Variants in TENM2 observed in about 807,000 individuals in gnomAD.
TENM2 encodes teneurin-2.
Under a neutral mutation model 245.2 loss-of-function variants are expected in TENM2, and 52 were observed. That is an observed-to-expected ratio of 0.21 (90% CI 0.17 to 0.27). The LOEUF is 0.27. TENM2 is among the 10% of genes least tolerant of loss of function. The pLI, the probability that TENM2 is intolerant of heterozygous loss-of-function variation, is 1.00. For missense variants in TENM2, 3,046 were observed against 3,666.8 expected (o/e 0.83, Z 4.37); for synonymous variants, 1,363 against 1,438.9 (o/e 0.95, Z 1.19).
chr5:167,350,761 T>TATATATATATGGGATATATACATAC (rs1561883673), intron 1 of TENM2, among the ~76,000 whole-genome samples: 3 of 71,166 alleles, frequency 4.2e-5, no homozygotes, highest in South Asian at 4.9e-4. Context: ...TATATACATA[T>TATATATATATGGGATATATACATAC]GGATATATAT....
rs750111579 is a variant in TENM2, at chr5:168,026,804, A to G, written c.1187-20623A>G. On this transcript the variant is annotated intron_variant, in intron 5 of 28. Coordinates refer to ENST00000518659, the Ensembl canonical transcript of TENM2. The stretch of plus-strand genomic sequence containing the variant: ...GCTTGGCCAAAGGTAAGCACTAAAT[A>G]AAATAGATTTTTACTGTGACAGGTT... 2.0e-5 allele frequency among the ~76,000 whole-genome samples: 3 copies of G among 152,166 alleles called. No homozygotes were observed. The South Asian group carries it at 6.2e-4, about 32-fold the overall frequency.
chr5:168,159,174 T>C (rs1036967652), intron 12 of TENM2, among the ~76,000 whole-genome samples: 8 of 151,868 alleles, frequency 5.3e-5, no homozygotes, highest in Non-Finnish European at 1.2e-4. Context: ...AAAAAGTGTC[T>C]TCAGACAATG....
chr5:168,102,225 C>A (rs1323039769), intron 9 of TENM2, among the ~76,000 whole-genome samples: 3 of 152,106 alleles, frequency 2.0e-5, no homozygotes, highest in African/African-American at 7.2e-5. Flanking sequence ...AGGCATGTGC[C>A]ACCATGAATG....
chr5:168,209,882 A>C (rs2152549743), intron 19 of TENM2, among the ~76,000 whole-genome samples: 1 of 152,272 alleles, frequency 6.6e-6, no homozygotes, highest in Non-Finnish European at 1.5e-5. Context: ...ACAAACATAA[A>C]TCACCAGACA....
chr5:168,263,364 T>C (rs929522150), downstream of TENM2: 2 of 152,976 alleles, frequency 1.3e-5, no homozygotes, highest in South Asian at 2.1e-4. Context: ...CAAATACTTC[T>C]GACATTTTCG....
At chr5:167,495,906 C>T (rs896051497) in intron 2 of TENM2, among the ~76,000 whole-genome samples, 3 of 152,050 alleles carry the variant, frequency 2.0e-5, no homozygotes, top group African/African-American at 4.8e-5. Context: ...AACTGATTCT[C>T]ATGACTTTGA....
At chr5:168,128,040 C>A (rs1422307526) in intron 12 of TENM2, among the ~76,000 whole-genome samples, 2 of 152,208 alleles carry the variant, frequency 1.3e-5, no homozygotes, top group African/African-American at 4.8e-5. Context: ...ATTTCCCATG[C>A]TGTTCATTTG....
chr5:167,742,494 A>G (rs557390848), intron 2 of TENM2, among the ~76,000 whole-genome samples: 71 of 152,168 alleles, frequency 4.7e-4, no homozygotes, highest in African/African-American at 1.7e-3. Context: ...GTATATGTCC[A>G]TGTGGTTAGT....
intron 3 of TENM2, among the ~76,000 whole-genome samples, chr5:167,940,159 A>C: frequency 6.6e-6 from 1 of 152,168 alleles, no homozygotes; most frequent in Non-Finnish European, 1.5e-5. Flanking sequence ...CAAGCTTTTG[A>C]GATTTGTCTC....
chr5:167,825,449 C>A (rs941819160), intron 2 of TENM2, among the ~76,000 whole-genome samples: 1 of 152,128 alleles, frequency 6.6e-6, no homozygotes, highest in African/African-American at 2.4e-5. Context: ...ACCCACTGAG[C>A]GTTTGCTTAG....
intron 6 of TENM2, among the ~76,000 whole-genome samples, chr5:168,056,511 T>C (rs1789554299): frequency 1.3e-5 from 2 of 152,260 alleles, no homozygotes; most frequent in African/African-American, 4.8e-5. Context: ...AGATATTCAG[T>C]ACTGGTCTCA....
At chr5:167,818,947 G>C (rs1767284235) in intron 2 of TENM2, among the ~76,000 whole-genome samples, 1 of 152,064 alleles carries the variant, frequency 6.6e-6, no homozygotes, top group South Asian at 2.1e-4. Flanking sequence ...TCTGGGCCTA[G>C]GGAACCAACA....
chr5:167,602,869 A>G (rs1025077990), intron 2 of TENM2, among the ~76,000 whole-genome samples: 2 of 152,208 alleles, frequency 1.3e-5, no homozygotes, highest in Non-Finnish European at 2.9e-5. Context: ...ACAGAGTAGT[A>G]TGGTAGTAAG....
At chr5:167,781,292 T>G (rs968180566) in intron 2 of TENM2, among the ~76,000 whole-genome samples, 1 of 152,206 alleles carries the variant, frequency 6.6e-6, no homozygotes, top group Non-Finnish European at 1.5e-5. Flanking sequence ...GCCTAGGCCC[T>G]AAGACATAGA....
chr5:168,068,635 G>C (rs1790710990), intron 7 of TENM2, among the ~76,000 whole-genome samples: 1 of 152,034 alleles, frequency 6.6e-6, no homozygotes, highest in Admixed American at 6.6e-5. Flanking sequence ...GAACAGTCAA[G>C]AAGAATAGGA....
chr5:167,745,560 T>G (rs148574480), intron 2 of TENM2, among the ~76,000 whole-genome samples: 1 of 152,308 alleles, frequency 6.6e-6, no homozygotes, highest in Non-Finnish European at 1.5e-5. Flanking sequence ...TAGAAGCTAT[T>G]TTTAGCTTTC....
intron 17 of TENM2, among the ~76,000 whole-genome samples, chr5:168,202,040 CA>C (rs760074337): frequency 6.6e-6 from 1 of 152,148 alleles, no homozygotes; most frequent in Non-Finnish European, 1.5e-5. Context: ...GTCCTTCCAT[CA>C]AGAGGCACCT....
chr5:167,719,267 T>A (rs1472354033), intron 2 of TENM2, among the ~76,000 whole-genome samples: 1 of 152,214 alleles, frequency 6.6e-6, no homozygotes, highest in Non-Finnish European at 1.5e-5. Flanking sequence ...TTGGCCTACA[T>A]ACTTGTGAAG....
At chr5:167,886,514 C>T (rs902487426) in intron 3 of TENM2, among the ~76,000 whole-genome samples, 2 of 152,066 alleles carry the variant, frequency 1.3e-5, no homozygotes, top group Non-Finnish European at 2.9e-5. Flanking sequence ...CAAGATAATG[C>T]AAGAAGTTAC....
Sources: gnomAD v4.1 joint callset for allele counts (sites outside exome capture counted in the v4.1 genomes callset) on GRCh38, gnomAD v4.1.1 for gene constraint, MANE v1.5 for transcripts, NCBI Gene and HGNC (gene_info 2026-07-23, HGNC 2026-07-21) for gene names.